Variants in CCDC138 observed in about 807,000 individuals in gnomAD.
CCDC138 encodes coiled-coil domain containing 138, also known as coiled-coil domain-containing protein 138.
A neutral mutation model predicts 82.3 loss-of-function variants in CCDC138; 66 were observed. That is an observed-to-expected ratio of 0.80 (90% CI 0.66 to 0.98). CCDC138 has a LOEUF of 0.98. Among genes scored for constraint, CCDC138 ranks in the 50% least tolerant of loss-of-function variants. The pLI, the probability that CCDC138 is intolerant of heterozygous loss-of-function variation, is 0.00. For synonymous variants in CCDC138, 297 were observed against 265.4 expected (o/e 1.12, Z -1.16); for missense variants, 816 against 758.9 (o/e 1.08, Z -0.88).
At chr2:108,851,588 C>T (rs1377381314) in intron 12 of CCDC138, among the ~76,000 whole-genome samples, 1 of 151,608 alleles carries the variant, frequency 6.6e-6, no homozygotes, top group Non-Finnish European at 1.5e-5. Context: ...CAGGCGTGAG[C>T]CACCGCGCCC....
At chr2:108,786,937 C>T (rs766529876) in intron 1 of CCDC138, 22 bp downstream of exon 1, 7 of 1,476,640 alleles carry the variant, frequency 4.7e-6, no homozygotes, top group East Asian at 5.7e-5. Flanking sequence ...GCCTGAGGTC[C>T]GCGGGTGGGC....
At chr2:108,793,332 C>CA (rs1193586530) in intron 4 of CCDC138, among the ~76,000 whole-genome samples, 3 of 151,698 alleles carry the variant, frequency 2.0e-5, no homozygotes, top group Non-Finnish European at 4.4e-5. Flanking sequence ...GACTCCGTCT[C>CA]AAAAAACAAA....
At chr2:108,860,741 A>G (rs1693421486) in intron 13 of CCDC138, among the ~76,000 whole-genome samples, 1 of 151,860 alleles carries the variant, frequency 6.6e-6, no homozygotes, top group Admixed American at 6.6e-5. Context: ...TGTGTTGATC[A>G]GGGATATTGG....
Position 108,812,652 on chromosome 2 carries a change from A to G in CCDC138, c.877A>G (p.Asn293Asp). 6.2e-7 allele frequency: 1 copy of G among 1,612,904 alleles called. No individual in the cohort carries two copies. The highest frequency in any genetic ancestry group is 8.5e-7 in the Non-Finnish European group (1 of 1,179,010). The change falls in exon 8 of 15, where the codon AAC becomes GAC. Residue 293 changes from asparagine to aspartate, a missense_variant. Transcript: ENST00000295124. ...TTAGTTAAATGAAGCAAGTGAAGAA[A>G]ACAGGAAGATAGACATTCAGGCTAA... Reference protein sequence around the residue: ...KKQLNEASEENRKIDIQAKRV... With the variant: ...KKQLNEASEEDRKIDIQAKRV...
chr2:108,865,974 T>C (rs1440861422), intron 13 of CCDC138, among the ~76,000 whole-genome samples: 1 of 152,156 alleles, frequency 6.6e-6, no homozygotes, highest in East Asian at 1.9e-4. Flanking sequence ...TACCTCTTTC[T>C]CTTCCTGGGG....
chr2:108,805,090 G>T, intron 7 of CCDC138, 82 bp downstream of exon 7: 1 of 724,186 alleles, frequency 1.4e-6, no homozygotes, highest in Non-Finnish European at 2.0e-6. Flanking sequence ...GTCAGCCTTA[G>T]AACACGTTTC....
chr2:108,829,571 C>T (rs1191081233), intron 10 of CCDC138, among the ~76,000 whole-genome samples: 3 of 152,208 alleles, frequency 2.0e-5, no homozygotes, highest in Non-Finnish European at 2.9e-5. Context: ...CATGGGGGAA[C>T]CCCATCTTTA....
At chr2:108,835,055 CTG>C (rs1380546479) in intron 10 of CCDC138, among the ~76,000 whole-genome samples, 1 of 152,184 alleles carries the variant, frequency 6.6e-6, no homozygotes, top group Non-Finnish European at 1.5e-5. Flanking sequence ...GCTGCTAGAA[CTG>C]TAGTTTGGAG....
intron 5 of CCDC138, among the ~76,000 whole-genome samples, chr2:108,797,346 A>G (rs1406224652): frequency 6.6e-6 from 1 of 152,190 alleles, no homozygotes; most frequent in African/African-American, 2.4e-5. Flanking sequence ...AAGTTGGAGG[A>G]AAGAGACGGC....
intron 10 of CCDC138, among the ~76,000 whole-genome samples, chr2:108,823,881 G>T (rs931442965): frequency 3.3e-5 from 5 of 152,004 alleles, no homozygotes; most frequent in African/African-American, 1.2e-4. Flanking sequence ...GGATGCTGAG[G>T]CAAGAGAATT....
intron 3 of CCDC138, among the ~76,000 whole-genome samples, chr2:108,790,897 G>T (rs992399972): frequency 1.3e-5 from 2 of 151,850 alleles, no homozygotes; most frequent in African/African-American, 4.8e-5. Context: ...GACTACAGAC[G>T]TGCACCACTA....
chr2:108,829,323 A>C (rs1282169043), intron 10 of CCDC138, among the ~76,000 whole-genome samples: 1 of 152,226 alleles, frequency 6.6e-6, no homozygotes, highest in Admixed American at 6.5e-5. Flanking sequence ...AAAAGCAAGC[A>C]AAGAACCTAA....
intron 10 of CCDC138, among the ~76,000 whole-genome samples, chr2:108,827,569 C>T (rs555856386): frequency 4.3e-4 from 66 of 151,868 alleles, no homozygotes; most frequent in Non-Finnish European, 6.8e-4. Context: ...GTAATCCCAG[C>T]ACTTTGGGAG....
chr2:108,875,026 TA>T (rs201714045), intron 14 of CCDC138, among the ~76,000 whole-genome samples: 1,992 of 151,822 alleles, frequency 0.013, 63 homozygotes, highest in South Asian at 0.082. Flanking sequence ...TAGACTTAGA[TA>T]AAAAAACAAA....
intron 9 of CCDC138, among the ~76,000 whole-genome samples, chr2:108,813,942 A>G (rs1684320573): frequency 1.3e-5 from 2 of 152,288 alleles, no homozygotes; most frequent in African/African-American, 2.4e-5. Flanking sequence ...CTATTGCTCA[A>G]TAGTATTTCA....
chr2:108,794,922 G>A (rs535347000), intron 5 of CCDC138, among the ~76,000 whole-genome samples: 121 of 152,142 alleles, frequency 8.0e-4, no homozygotes, highest in African/African-American at 2.7e-3. Flanking sequence ...AGACAGTGGC[G>A]TTTTTATTTG....
At chr2:108,849,980 G>A (rs1325208936) in intron 12 of CCDC138, among the ~76,000 whole-genome samples, 1 of 152,238 alleles carries the variant, frequency 6.6e-6, no homozygotes, top group Non-Finnish European at 1.5e-5. Flanking sequence ...TCAACAGGAT[G>A]CATGGGCCAG....
At position 108,807,992 on chromosome 2, in the gene CCDC138, C is replaced by T. The variant is rs534356430; in HGVS notation, c.855+2984C>T. Reference sequence around the variant, plus strand: ...CCACAGCCATCCCAACCTCTAGTAACCAATATTATATTCTGTACTTCTGTG... The same window carrying T: ...CCACAGCCATCCCAACCTCTAGTAATCAATATTATATTCTGTACTTCTGTG... On this transcript the variant is annotated intron_variant, in intron 7 of 14. Transcript: ENST00000295124. Among the ~76,000 whole-genome samples, 20 of 152,294 alleles carry T rather than the reference C, an allele frequency of 1.3e-4. No individual in the cohort carries two copies. In the South Asian group the frequency reaches 3.3e-3, roughly 25 times the overall value.
At chr2:108,875,227 A>G (rs1695836326) in intron 14 of CCDC138, among the ~76,000 whole-genome samples, 1 of 151,870 alleles carries the variant, frequency 6.6e-6, no homozygotes, top group African/African-American at 2.4e-5. Flanking sequence ...CAAGGAAATA[A>G]GAAACAAAGC....
Sources: allele counts gnomAD v4.1 joint callset (sites outside exome capture counted in the v4.1 genomes callset), GRCh38; gene constraint gnomAD v4.1.1; transcripts MANE v1.5; gene names NCBI Gene and HGNC (gene_info 2026-07-23, HGNC 2026-07-21).